The following CAPN9 variants were observed in gnomAD, a reference collection of about 807,000 sequenced individuals.
The protein encoded by CAPN9 is calpain-9.
A neutral mutation model predicts 92.8 loss-of-function variants in CAPN9; 81 were observed. The observed-to-expected ratio is 0.87, with a 90% CI of 0.73 to 1.05. The LOEUF (loss-of-function observed/expected upper bound fraction) is 1.05, where lower values mean the gene tolerates loss of function less well. Among genes scored for constraint, CAPN9 ranks in the 50% least tolerant of loss-of-function variants. The pLI, the probability that CAPN9 is intolerant of heterozygous loss-of-function variation, is 0.00. For synonymous variants in CAPN9, 304 were observed against 328.0 expected (o/e 0.93, Z 0.79); for missense variants, 848 against 866.2 (o/e 0.98, Z 0.26).
chr1:230,780,445 C>A, intron 10 of CAPN9, 55 bp from the exon 11 acceptor site: 1 of 1,604,786 alleles, frequency 6.2e-7, no homozygotes, highest in South Asian at 1.1e-5. Context: ...GAATTGTGTC[C>A]GAAAAGCCAA....
In CAPN9 at chr1:230,747,664, C is replaced by T; in HGVS notation, c.168C>T (p.Phe56=). ...TCCCAGCCAGCAATTCCTCCCTGTTCTACAGTGAGAGGCCGCAGATCCCCT... is the reference window on the plus strand; with the variant it reads ...TCCCAGCCAGCAATTCCTCCCTGTTTTACAGTGAGAGGCCGCAGATCCCCT... ...ADFPASNSSL[F]YSERPQIPFV... The change falls in exon 1 of 20, where the codon TTC becomes TTT. Residue 56 remains phenylalanine, a synonymous_variant. Transcript: ENST00000271971. 1 of 1,614,184 alleles carries T rather than the reference C, an allele frequency of 6.2e-7. No individual in the cohort carries two copies. Among genetic ancestry groups the T allele is most frequent in the Non-Finnish European group, 8.5e-7 (1 of 1,180,044 alleles).
intron 13 of CAPN9, among the ~76,000 whole-genome samples, 195 bp downstream of exon 13, chr1:230,787,797 G>A (rs978444363): frequency 1.3e-5 from 2 of 152,200 alleles, no homozygotes; most frequent in African/African-American, 4.8e-5. Context: ...CACAGTCTGC[G>A]GCTGTGGATG....
rs1212165754 is a variant in CAPN9 at position 230,774,772 on chromosome 1, GTTC to G, written c.953+144_953+146del. The G allele has an allele frequency of 2.0e-5, 11 of 539,788 alleles. No individual in the cohort carries two copies. In the African/African-American group the frequency reaches 3.1e-4, roughly 15 times the overall value. 33.4% of individuals were successfully genotyped at this position (539,788 alleles called of 1,614,324 possible). ...TTTTTTTTTTTTGAGACGGAGTTTT[GTTC>G]TTATTGCCCAGGCTGGAGTGCAGTG... On this transcript the variant is annotated intron_variant, in intron 8 of 19. Transcript: ENST00000271971.
intron 11 of CAPN9, 116 bp downstream of exon 11, chr1:230,780,824 G>A (rs1667167911): frequency 2.7e-6 from 2 of 744,996 alleles, no homozygotes; most frequent in Non-Finnish European, 2.3e-6. Flanking sequence ...ATGTGTACCT[G>A]AGAAACAAGG....
intron 2 of CAPN9, among the ~76,000 whole-genome samples, chr1:230,755,677 T>C (rs1038855858): frequency 6.6e-6 from 1 of 152,168 alleles, no homozygotes; most frequent in Non-Finnish European, 1.5e-5. Flanking sequence ...TTGGTCGGGC[T>C]CTCCTACACC....
Position 230,795,224 on chromosome 1 carries a change from C to A in CAPN9, c.1932C>A (p.Leu644=). ...LIVLRYADEE[L]QLDFDDFLNC... ...TGCTCAGGTATGCGGATGAGGAGCT[C>A]CAGCTGGACTTCGATGACTTCCTCA... Residue 644 remains leucine, a synonymous_variant, in exon 18 of 20, where the codon CTC becomes CTA. Transcript: ENST00000271971. 6.2e-7 allele frequency: 1 copy of A among 1,613,668 alleles called. No individual in the cohort carries two copies. The highest frequency in any genetic ancestry group is 8.5e-7 in the Non-Finnish European group (1 of 1,179,814).
At chr1:230,798,057 C>G in intron 18 of CAPN9, 105 bp from the exon 19 acceptor site, 1 of 780,684 alleles carries the variant, frequency 1.3e-6, no homozygotes, top group Non-Finnish European at 2.2e-6. Flanking sequence ...CCAGATGGAG[C>G]AGCTTCCCCA....
At chr1:230,778,218 G>A (rs1162926445) in intron 8 of CAPN9, among the ~76,000 whole-genome samples, 1 of 152,008 alleles carries the variant, frequency 6.6e-6, no homozygotes, top group Non-Finnish European at 1.5e-5. Flanking sequence ...CAGTCCATTA[G>A]CAAATCCTAT....
chr1:230,753,746 C>G (rs566814385), intron 1 of CAPN9, among the ~76,000 whole-genome samples: 209 of 152,216 alleles, frequency 1.4e-3, no homozygotes, highest in African/African-American at 4.9e-3. Context: ...TCTGCAGGCC[C>G]CGGCCCAGTT....
At chr1:230,782,301 G>A (rs2102902650) in intron 11 of CAPN9, among the ~76,000 whole-genome samples, 1 of 152,322 alleles carries the variant, frequency 6.6e-6, no homozygotes, top group South Asian at 2.1e-4. Flanking sequence ...CATTGGTTTA[G>A]CTCTCAGACA....
chr1:230,801,642 T>C lies in CAPN9; in HGVS notation c.*46T>C. On this transcript the variant is annotated 3_prime_UTR_variant, in exon 20 of 20. Coordinates refer to ENST00000271971, the MANE Select transcript of CAPN9 (RefSeq NM_006615.3). The stretch of plus-strand genomic sequence containing the variant: ...GCCTGCCCAGCTGAATCTTGGCTTC[T>C]GGACCTTGACCTTCAGAACTTCTCT... 1 of 1,590,054 alleles carries C rather than the reference T, an allele frequency of 6.3e-7. No individual in the cohort carries two copies. The highest frequency in any genetic ancestry group is 1.7e-5 in the Admixed American group (1 of 60,000).
chr1:230,795,030 A>C (rs28359726), intron 17 of CAPN9, 133 bp from the exon 18 acceptor site: 37,877 of 655,300 alleles, frequency 0.058, 1,336 homozygotes, highest in East Asian at 0.093. Flanking sequence ...TGGGGACCCC[A>C]GCTTTGAGGA....
In CAPN9 at chr1:230,762,705, C is replaced by G. The variant is rs769783400; in HGVS notation, c.455C>G (p.Thr152Ser). 1.9e-6 allele frequency: 3 copies of G among 1,614,210 alleles called. No homozygotes were observed. Among genetic ancestry groups the G allele is most frequent in the South Asian group, 2.2e-5 (2 of 91,084 alleles). ...LDVVIDDRLPTFRDRLVFLHS... is the reference protein window; with the variant it reads ...LDVVIDDRLPSFRDRLVFLHS... ...GTGGTGATCGATGACCGCCTGCCCA[C>G]CTTCAGGGACCGCTTGGTTTTCCTC... The change falls in exon 4 of 20, where the codon ACC (threonine) becomes AGC (serine). Residue 152 changes from threonine (T) to serine (S), a missense_variant. Transcript: ENST00000271971.
chr1:230,772,570 T>C (rs1666458057), intron 7 of CAPN9, among the ~76,000 whole-genome samples: 1 of 152,076 alleles, frequency 6.6e-6, no homozygotes. Context: ...AGAGGCCCAA[T>C]AGCCCAGCAG....
intron 1 of CAPN9, among the ~76,000 whole-genome samples, chr1:230,748,661 G>A (rs1460502686): frequency 6.6e-6 from 1 of 152,130 alleles, no homozygotes; most frequent in Non-Finnish European, 1.5e-5. Flanking sequence ...GTACATTACA[G>A]CTATTGTCAC....
rs1667121791 is a variant in CAPN9 at position 230,780,251 on chromosome 1, T to C, written c.1187T>C (p.Phe396Ser). The C allele has an allele frequency of 6.2e-7, 1 of 1,613,960 alleles. No individual in the cohort carries two copies. The highest frequency in any genetic ancestry group is 2.2e-5 in the East Asian group (1 of 44,896). ...EKDEGQEECS[F>S]LVALMQKDRR... Reference sequence around the variant, plus strand: ...GATGAGGGGCAGGAGGAGTGTAGTTTCCTTGTAGCCCTGATGCAGAAAGAT... The same window carrying C: ...GATGAGGGGCAGGAGGAGTGTAGTTCCCTTGTAGCCCTGATGCAGAAAGAT... Residue 396 changes from phenylalanine (F) to serine (S), a missense_variant, in exon 10 of 20, where the codon TTC (phenylalanine) becomes TCC (serine). Phe to Ser is a radical substitution (Grantham distance 155, BLOSUM62 -2). Coordinates refer to ENST00000271971, the MANE Select transcript of CAPN9 (RefSeq NM_006615.3).
At chr1:230,782,877 A>T (rs1033730768) in intron 11 of CAPN9, among the ~76,000 whole-genome samples, 3 of 152,168 alleles carry the variant, frequency 2.0e-5, no homozygotes, top group African/African-American at 7.2e-5. Flanking sequence ...TTAGCTGGGC[A>T]TGGTGGCACG....
At position 230,759,497 on chromosome 1, in the gene CAPN9, G is replaced by T; in HGVS notation, c.284-15G>T. ...ATAGCAATGAAAATTGTGATTTATG[G>T]CTTCCATTTTGCAGGAGACTGCTGG... is the stretch of plus-strand genomic sequence containing the variant. On this transcript the variant is annotated splice_polypyrimidine_tract_variant and intron_variant, in intron 2 of 19. Coordinates refer to ENST00000271971, the MANE Select transcript of CAPN9 (RefSeq NM_006615.3). The T allele has an allele frequency of 6.4e-7, 1 of 1,561,634 alleles. No homozygotes were observed. Among genetic ancestry groups the T allele is most frequent in the Non-Finnish European group, 8.7e-7 (1 of 1,147,390 alleles).
Position 230,800,284 on chromosome 1 carries a change from AAG to A in CAPN9, c.2047-1284_2047-1283del, listed in dbSNP as rs1201504040. 3.1e-4 allele frequency among the ~76,000 whole-genome samples: 39 copies of A among 127,616 alleles called. 1 individual carries two copies. The highest frequency in any genetic ancestry group is 1.1e-3 in the African/African-American group (36 of 34,134). The allele number at this position is 127,616 out of a possible 152,430, so 83.7% of individuals were successfully genotyped here. A position where few individuals can be genotyped will look rare whatever the true frequency, so the allele number is the denominator to read the frequency against. ...AAAGAAAGAAAGAAAGAAAGAAAGA[AAG>A]AAAGAAAGAAAGAAAGAAAGGAAAA... On this transcript the variant is annotated intron_variant, in intron 19 of 19. Transcript: ENST00000271971.
Sources: gnomAD v4.1 joint callset for allele counts (sites outside exome capture counted in the v4.1 genomes callset) on GRCh38, gnomAD v4.1.1 for gene constraint, MANE v1.5 for transcripts, NCBI Gene and HGNC (gene_info 2026-07-23, HGNC 2026-07-21) for gene names.